CPQ: variants seen among roughly 807,000 people sequenced by gnomAD.
CPQ encodes carboxypeptidase Q, also known as Ser-Met dipeptidase.
In CPQ, 37 loss-of-function variants were observed where a neutral mutation model predicts 45.7. That is an observed-to-expected ratio of 0.81 (90% CI 0.62 to 1.07). The LOEUF (loss-of-function observed/expected upper bound fraction) is 1.07. CPQ is among the 50% of genes least tolerant of loss of function. The pLI, the probability that CPQ is intolerant of heterozygous loss-of-function variation, is 0.00. For missense variants in CPQ, 537 were observed against 572.9 expected, an observed-to-expected ratio of 0.94 and a Z score of 0.64; for synonymous variants, 186 against 205.8, an observed-to-expected ratio of 0.90 and a Z score of 0.82.
At chr8:96,686,925 T>G (rs908941850) in intron 1 of CPQ, among the ~76,000 whole-genome samples, 3 of 152,182 alleles carry the variant, frequency 2.0e-5, no homozygotes, top group African/African-American at 7.2e-5. Context: ...AAAAGCATCT[T>G]AATTCTCAAA....
chr8:96,837,670 C>T (rs1421920636), intron 3 of CPQ, among the ~76,000 whole-genome samples: 1 of 152,104 alleles, frequency 6.6e-6, no homozygotes, highest in Non-Finnish European at 1.5e-5. Flanking sequence ...CATTTCCAAA[C>T]CCCTCTCTCC....
intron 4 of CPQ, among the ~76,000 whole-genome samples, chr8:96,903,410 G>C (rs1812537650): frequency 6.6e-6 from 1 of 152,174 alleles, no homozygotes; most frequent in Non-Finnish European, 1.5e-5. Context: ...TGACTAATGT[G>C]TAAGTTCCAG....
At chr8:96,756,551 CAACACCTACGCCCCTTTAA>C in intron 1 of CPQ, among the ~76,000 whole-genome samples, 1 of 152,204 alleles carries the variant, frequency 6.6e-6, no homozygotes, top group Admixed American at 6.5e-5. Flanking sequence ...CAATGCAACT[CAACACCTACGCCCCTTTAA>C]GGAGAATTTT....
At chr8:96,796,233 G>A (rs148026160) in intron 2 of CPQ, among the ~76,000 whole-genome samples, 1 of 151,964 alleles carries the variant, frequency 6.6e-6, no homozygotes, top group Admixed American at 6.6e-5. Context: ...ATTTTACTTT[G>A]CATACCTTTG....
intron 4 of CPQ, among the ~76,000 whole-genome samples, chr8:96,910,554 G>A (rs192861766): frequency 6.6e-6 from 1 of 152,204 alleles, no homozygotes; most frequent in Admixed American, 6.5e-5. Flanking sequence ...GCCCAGGCTG[G>A]AGTACAGTGG....
chr8:96,824,986 G>A (rs1454748472), intron 2 of CPQ, among the ~76,000 whole-genome samples: 2 of 152,004 alleles, frequency 1.3e-5, no homozygotes, highest in Non-Finnish European at 1.5e-5. Flanking sequence ...ATCCCCTGTG[G>A]TGGCCTTCTG....
chr8:97,070,482 T>C (rs558644247), intron 7 of CPQ, among the ~76,000 whole-genome samples: 3 of 152,288 alleles, frequency 2.0e-5, no homozygotes, highest in African/African-American at 7.2e-5. Flanking sequence ...TAAATCTGAC[T>C]TAGCAGAAAC....
chr8:96,981,204 G>C (rs1290019742), intron 5 of CPQ, among the ~76,000 whole-genome samples: 2 of 152,088 alleles, frequency 1.3e-5, no homozygotes, highest in Non-Finnish European at 1.5e-5. Flanking sequence ...CAATTTTTAA[G>C]CATTTTCAGA....
intron 1 of CPQ, among the ~76,000 whole-genome samples, chr8:96,695,897 T>C (rs1809373661): frequency 1.3e-5 from 2 of 149,530 alleles, no homozygotes; most frequent in African/African-American, 2.5e-5. Context: ...TCCTCAGGGA[T>C]CTAGAACTAG....
intron 5 of CPQ, among the ~76,000 whole-genome samples, chr8:96,975,001 G>T (rs1463610351): frequency 6.6e-6 from 1 of 151,726 alleles, no homozygotes; most frequent in African/African-American, 2.4e-5. Flanking sequence ...AGAAGAAAAT[G>T]ACGAAGATCA....
rs79371644 is a variant in CPQ at position 97,090,218 on chromosome 8, T to G, written c.1255+24008T>G. 5.9e-5 allele frequency among the ~76,000 whole-genome samples: 9 copies of G among 152,312 alleles called. No individual in the cohort carries two copies. In the East Asian group the frequency reaches 1.5e-3, roughly 26 times the overall value. On this transcript the variant is annotated intron_variant, in intron 7 of 7. Transcript: ENST00000220763. ...CCCTGATGCTGATGCTCTGGCATTG[T>G]GCAACTTAAATGACTCAGTTTTCTA... is the stretch of plus-strand genomic sequence containing the variant.
At position 96,822,806 on chromosome 8, in the gene CPQ, G is replaced by A. The variant is rs139819899; in HGVS notation, c.434-12167G>A. On this transcript the variant is annotated intron_variant, in intron 2 of 7. Coordinates refer to ENST00000220763, the MANE Select transcript of CPQ (RefSeq NM_016134.4). ...TCTCCATTCTTCTTGTCCATAGTTC[G>A]TTAGCATAAAATCCTTCAGTTTTTC... Among the ~76,000 whole-genome samples the A allele has an allele frequency of 3.7e-3, 562 of 152,024 alleles. 2 individuals are homozygous for A. Among genetic ancestry groups the A allele is most frequent in the Middle Eastern group, 0.01 (3 of 294 alleles).
At chr8:97,138,030 G>A (rs1019423758) in intron 7 of CPQ, among the ~76,000 whole-genome samples, 11 of 152,048 alleles carry the variant, frequency 7.2e-5, no homozygotes, top group South Asian at 2.1e-4. Context: ...ACTCACCTTC[G>A]TAGTTGTTCA....
At chr8:97,022,977 TGTATATAGTATATATATACA>T (rs1405337351) in intron 5 of CPQ, among the ~76,000 whole-genome samples, 2 of 147,078 alleles carry the variant, frequency 1.4e-5, no homozygotes, top group Non-Finnish European at 3.0e-5. Flanking sequence ...ATATATATAC[TGTATATAGTATATATATACA>T]GTATATATAT....
rs192055679 is a variant in CPQ at position 96,985,321 on chromosome 8, C to A, written c.961+19275C>A. Reference sequence around the variant, plus strand: ...TAAGCTATTATTGCCTCAAATATTGCCTTCCTGCATTCTATTCTGTCCTTC... The same window carrying A: ...TAAGCTATTATTGCCTCAAATATTGACTTCCTGCATTCTATTCTGTCCTTC... On this transcript the variant is annotated intron_variant, in intron 5 of 7. Coordinates refer to ENST00000220763, the MANE Select transcript of CPQ (RefSeq NM_016134.4). Among the ~76,000 whole-genome samples, 220 of 151,382 alleles carry A rather than the reference C, an allele frequency of 1.5e-3. 1 individual carries two copies. Among genetic ancestry groups the A allele is most frequent in the African/African-American group, 5.2e-3 (215 of 41,236 alleles).
intron 7 of CPQ, among the ~76,000 whole-genome samples, chr8:97,134,987 T>C (rs1431592992): frequency 2.0e-5 from 3 of 152,208 alleles, no homozygotes; most frequent in African/African-American, 7.2e-5. Flanking sequence ...TAGTTATTGC[T>C]GCCACACAGT....
At chr8:96,728,171 C>T (rs1018570214) in intron 1 of CPQ, among the ~76,000 whole-genome samples, 8 of 152,166 alleles carry the variant, frequency 5.3e-5, no homozygotes, top group Admixed American at 1.3e-4. Context: ...CTTACCCTTT[C>T]CTTTCTCTCA....
At chr8:96,659,684 A>T (rs986956218) in intron 1 of CPQ, among the ~76,000 whole-genome samples, 3 of 152,214 alleles carry the variant, frequency 2.0e-5, no homozygotes, top group Non-Finnish European at 4.4e-5. Flanking sequence ...GTGGCATCTC[A>T]ATCCAAGGGA....
At chr8:96,888,526 C>T (rs1812333139) in intron 4 of CPQ, among the ~76,000 whole-genome samples, 1 of 152,200 alleles carries the variant, frequency 6.6e-6, no homozygotes. Flanking sequence ...CTTTCTAAAG[C>T]TGGTGCTGGA....
Sources: gnomAD v4.1 joint callset for allele counts (sites outside exome capture counted in the v4.1 genomes callset) on GRCh38, gnomAD v4.1.1 for gene constraint, MANE v1.5 for transcripts, NCBI Gene and HGNC (gene_info 2026-07-23, HGNC 2026-07-21) for gene names.